The following DOCK2 variants were observed in gnomAD, a reference collection of about 807,000 sequenced individuals.
DOCK2 encodes the protein dedicator of cytokinesis 2, also known as dedicator of cytokinesis protein 2.
DOCK2 carries 87 observed loss-of-function variants against 248.9 expected under a neutral mutation model. That is an observed-to-expected ratio of 0.35 (90% CI 0.29 to 0.42). The LOEUF is 0.42. DOCK2 is among the 10% of genes least tolerant of loss of function. DOCK2 has a pLI of 1.00. For synonymous variants in DOCK2, 805 were observed against 821.6 expected, an observed-to-expected ratio of 0.98 and a Z score of 0.35; for missense variants, 1,747 against 2,300.2, an observed-to-expected ratio of 0.76 and a Z score of 4.92.
chr5:169,753,021 C>T (rs1018759201), intron 23 of DOCK2, among the ~76,000 whole-genome samples: 12 of 151,962 alleles, frequency 7.9e-5, no homozygotes, highest in Non-Finnish European at 1.6e-4. Flanking sequence ...GCCGAGATTG[C>T]GCCATTGCAC....
chr5:169,692,301 G>A (rs886893001), intron 9 of DOCK2, among the ~76,000 whole-genome samples: 2 of 152,196 alleles, frequency 1.3e-5, no homozygotes, highest in African/African-American at 2.4e-5. Context: ...AAGCACTAAT[G>A]AGTTCCTAAA....
chr5:169,964,872 G>A (rs1777237440), intron 27 of DOCK2, among the ~76,000 whole-genome samples: 1 of 152,364 alleles, frequency 6.6e-6, no homozygotes, highest in East Asian at 1.9e-4. Context: ...TGCTTAGCTA[G>A]TATCTGGCAC....
chr5:169,872,307 G>C (rs1020091079), intron 27 of DOCK2, among the ~76,000 whole-genome samples: 3 of 152,196 alleles, frequency 2.0e-5, no homozygotes, highest in African/African-American at 7.2e-5. Flanking sequence ...GATAAATCAT[G>C]ACACTTTGGA....
In DOCK2 at chr5:169,637,293, T is replaced by G. The variant is rs1756873055; in HGVS notation, c.-34T>G. 1 of 1,430,302 alleles carries G rather than the reference T, an allele frequency of 7.0e-7. No individual in the cohort carries two copies. The highest frequency in any genetic ancestry group is 9.1e-7 in the Non-Finnish European group (1 of 1,096,046). 88.6% of individuals were successfully genotyped at this position (1,430,302 alleles called of 1,614,324 possible). ...GGCGCCCAGCCACCCCCTGACGGCT[T>G]CCCCACGGGAGGACGCGAGGCCCCG... is the stretch of plus-strand genomic sequence containing the variant. On this transcript the variant is annotated 5_prime_UTR_variant, in exon 1 of 52. Transcript: ENST00000520908.
intron 25 of DOCK2, among the ~76,000 whole-genome samples, chr5:169,768,611 G>C (rs1409350824): frequency 6.6e-6 from 1 of 152,178 alleles, no homozygotes; most frequent in Non-Finnish European, 1.5e-5. Flanking sequence ...AGCAGTTGCT[G>C]TGTCACCTGT....
intron 37 of DOCK2, 99 bp from the exon 38 acceptor site, chr5:170,041,912 GGT>G: frequency 7.2e-7 from 1 of 1,384,188 alleles, no homozygotes; most frequent in Non-Finnish European, 9.8e-7. Context: ...GAAAGGACAG[GGT>G]GTGTGTTGGC....
intron 42 of DOCK2, 124 bp downstream of exon 42, chr5:170,055,510 T>C (rs980043737): frequency 4.9e-6 from 4 of 813,726 alleles, no homozygotes; most frequent in East Asian, 2.7e-5. Flanking sequence ...AGCCAGTTTT[T>C]CCCCCCTTTT....
intron 23 of DOCK2, among the ~76,000 whole-genome samples, chr5:169,753,191 A>C (rs1330425368): frequency 6.6e-6 from 1 of 152,250 alleles, no homozygotes; most frequent in African/African-American, 2.4e-5. Context: ...ACAACCTTAT[A>C]AGACAAATAG....
Position 169,690,924 on chromosome 5 carries a change from A to G in DOCK2, c.843+1591A>G, listed in dbSNP as rs560529365. Among the ~76,000 whole-genome samples the G allele has an allele frequency of 2.0e-5, 3 of 152,310 alleles. No homozygotes were observed. The South Asian group carries it at 6.2e-4, about 32-fold the overall frequency. On this transcript the variant is annotated intron_variant, in intron 9 of 51. Transcript: ENST00000520908. Reference sequence around the variant, plus strand: ...CAGGTGGATGCTTCCCTCTGTTAAGATGATCAGTCTTGATCTGGGGGTGTA... The same window carrying G: ...CAGGTGGATGCTTCCCTCTGTTAAGGTGATCAGTCTTGATCTGGGGGTGTA...
chr5:169,832,352 G>T (rs1769278214), intron 26 of DOCK2, among the ~76,000 whole-genome samples: 1 of 152,210 alleles, frequency 6.6e-6, no homozygotes, highest in Non-Finnish European at 1.5e-5. Context: ...TGCAAGACAT[G>T]TGTGACAACA....
At chr5:169,986,219 T>C (rs1398880724) in intron 29 of DOCK2, among the ~76,000 whole-genome samples, 1 of 152,192 alleles carries the variant, frequency 6.6e-6, no homozygotes, top group Non-Finnish European at 1.5e-5. Context: ...AAAAATATAT[T>C]ATTTTAATTT....
At chr5:169,901,237 T>C (rs777517155) in intron 27 of DOCK2, among the ~76,000 whole-genome samples, 2 of 152,150 alleles carry the variant, frequency 1.3e-5, no homozygotes, top group African/African-American at 4.8e-5. Context: ...CTGGCTCTGA[T>C]GCAAGAAAGG....
intron 27 of DOCK2, among the ~76,000 whole-genome samples, chr5:169,929,948 G>C (rs1775665538): frequency 6.6e-6 from 1 of 152,074 alleles, no homozygotes; most frequent in Admixed American, 6.5e-5. Context: ...TTGAAATAGG[G>C]CTAATGTGAC....
chr5:169,688,484 G>A (rs1182362159), intron 8 of DOCK2, among the ~76,000 whole-genome samples: 1 of 151,980 alleles, frequency 6.6e-6, no homozygotes. Flanking sequence ...GAATTGTTTT[G>A]GATTTCAGAT....
chr5:169,819,525 G>A (rs1457652122), intron 26 of DOCK2, among the ~76,000 whole-genome samples: 1 of 152,184 alleles, frequency 6.6e-6, no homozygotes, highest in Non-Finnish European at 1.5e-5. Context: ...GGAAGCTGAG[G>A]TGGGAGGATC....
intron 32 of DOCK2, among the ~76,000 whole-genome samples, chr5:170,013,531 G>C (rs373032331): frequency 5.9e-5 from 9 of 152,108 alleles, no homozygotes; most frequent in East Asian, 1.9e-4. Context: ...TGTGTTGCTG[G>C]CTTTGAAGAT....
chr5:169,830,763 G>C (rs1769172866), intron 26 of DOCK2, among the ~76,000 whole-genome samples: 1 of 152,208 alleles, frequency 6.6e-6, no homozygotes, highest in South Asian at 2.1e-4. Context: ...CCTTTTAAAA[G>C]AATGTTAGCC....
rs146988137 is a variant in DOCK2, at chr5:169,704,972, G to A, written c.1383+2545G>A. The stretch of plus-strand genomic sequence containing the variant: ...AGGTCAGGAGTTTGAGACCAGCCTG[G>A]CCAAGAAGGTGAAACCTTGTCTTTA... On this transcript the variant is annotated intron_variant, in intron 14 of 51. Coordinates refer to ENST00000520908, the MANE Select transcript of DOCK2 (RefSeq NM_004946.3). 2.9e-3 allele frequency among the ~76,000 whole-genome samples: 436 copies of A among 152,260 alleles called. 19 individuals are homozygous for A. In the East Asian group the frequency reaches 0.069, roughly 24 times the overall value.
At position 170,008,795 on chromosome 5, in the gene DOCK2, CCTT is replaced by C. The variant is rs756912817; in HGVS notation, c.3232+53_3232+55del. On this transcript the variant is annotated intron_variant, in intron 32 of 51. Transcript: ENST00000520908. ...TACTCACATCTGCAGGCACCAAACT[CCTT>C]CTTAAAGACCATCTGTTGGAGGGCC... 7 of 1,609,386 alleles carry C rather than the reference CCTT, an allele frequency of 4.3e-6. No individual in the cohort carries two copies. The African/African-American group carries it at 8.0e-5, about 18-fold the overall frequency.
Sources: allele counts gnomAD v4.1 joint callset (sites outside exome capture counted in the v4.1 genomes callset), GRCh38; gene constraint gnomAD v4.1.1; transcripts MANE v1.5; gene names NCBI Gene and HGNC (gene_info 2026-07-23, HGNC 2026-07-21).